Variants in ATAD2 observed in about 807,000 individuals in gnomAD.
ATAD2 encodes the protein ATPase family AAA domain containing 2, also known as ATPase family AAA domain-containing protein 2.
A neutral mutation model predicts 168.9 loss-of-function variants in ATAD2; 62 were observed. That is an observed-to-expected ratio of 0.37 (90% confidence interval 0.30 to 0.45). ATAD2 has a LOEUF of 0.45. ATAD2 is among the 20% of genes least tolerant of loss of function. ATAD2 has a pLI of 1.00. For missense variants in ATAD2, 1,419 were observed against 1,667.8 expected, an observed-to-expected ratio of 0.85 and a Z score of 2.60; for synonymous variants, 613 against 571.6, an observed-to-expected ratio of 1.07 and a Z score of -1.03.
chr8:123,366,700 T>G (rs1828989882), intron 8 of ATAD2, among the ~76,000 whole-genome samples: 1 of 152,062 alleles, frequency 6.6e-6, no homozygotes, highest in South Asian at 2.1e-4. Flanking sequence ...TGCAAAGGCA[T>G]AAGAATGACA....
At chr8:123,370,788 T>C (rs1829127860) in intron 6 of ATAD2, 115 bp downstream of exon 6, 1 of 705,624 alleles carries the variant, frequency 1.4e-6, no homozygotes. Flanking sequence ...ACCAATCCTC[T>C]GATCTCTCAC....
In ATAD2 at chr8:123,339,329, T is replaced by G; in HGVS notation, c.2836A>C (p.Ile946Leu). The G allele has an allele frequency of 6.3e-7, 1 of 1,576,936 alleles. No individual in the cohort carries two copies. Among genetic ancestry groups the G allele is most frequent in the Non-Finnish European group, 8.6e-7 (1 of 1,160,760 alleles). The part of the protein sequence containing the change: ...LILKQAAKPP[I>L]SKKKAVLQAL... ...AACTAACCTGCTTTCTTTTTTGATA[T>G]AGGAGGCTTAGCAGCTTGTTTTAGA... Residue 946 changes from isoleucine (I) to leucine (L), a missense_variant, in exon 20 of 28, where the codon ATA (isoleucine) becomes CTA (leucine). Transcript: ENST00000287394.
intron 17 of ATAD2, 119 bp downstream of exon 17, chr8:123,346,499 G>T: frequency 9.1e-7 from 1 of 1,101,766 alleles, no homozygotes; most frequent in East Asian, 2.8e-5. Flanking sequence ...AAAAATTTCT[G>T]GTAGTTTAAT....
rs1827440453 is a variant in ATAD2 at position 123,320,590 on chromosome 8, G to A, written c.*544C>T. On this transcript the variant is annotated 3_prime_UTR_variant, in exon 28 of 28. Transcript: ENST00000287394. ...CTGTGATACTCAAGTACAGAATTGT[G>A]GTGCAGCCAGAAGTGGTTCAAGAGC... is the stretch of plus-strand genomic sequence containing the variant. 1 of 152,340 alleles carries A rather than the reference G, an allele frequency of 6.6e-6. No individual in the cohort carries two copies. The highest frequency in any genetic ancestry group is 6.6e-5 in the Admixed American group (1 of 15,256). 9.4% of individuals were successfully genotyped at this position (152,340 alleles called of 1,614,324 possible).
At chr8:123,324,880 TTC>T (rs919591055) in intron 26 of ATAD2, among the ~76,000 whole-genome samples, 4 of 152,058 alleles carry the variant, frequency 2.6e-5, no homozygotes, top group Admixed American at 2.0e-4. Context: ...CTTAGCTATT[TTC>T]TCTCTGATTC....
At chr8:123,335,520 T>C (rs539320869) in intron 22 of ATAD2, among the ~76,000 whole-genome samples, 5 of 152,280 alleles carry the variant, frequency 3.3e-5, no homozygotes, top group African/African-American at 4.8e-5. Flanking sequence ...AAACAACTAT[T>C]TTTAAAATGT....
intron 27 of ATAD2, among the ~76,000 whole-genome samples, chr8:123,321,704 C>T (rs748032349): frequency 1.5e-4 from 23 of 151,962 alleles, no homozygotes; most frequent in Non-Finnish European, 3.2e-4. Flanking sequence ...GAGGCTGAGG[C>T]GGGAGGACCG....
chr8:123,324,531 T>G (rs1358954935), intron 26 of ATAD2, among the ~76,000 whole-genome samples: 1 of 152,164 alleles, frequency 6.6e-6, no homozygotes, highest in Non-Finnish European at 1.5e-5. Flanking sequence ...GTTGTTTAGG[T>G]GTGTCAGGGT....
chr8:123,392,688 A>G (rs1812634657), intron 1 of ATAD2, among the ~76,000 whole-genome samples: 1 of 152,128 alleles, frequency 6.6e-6, no homozygotes. Context: ...CAGCAGAGGT[A>G]TACCAAATGG....
In ATAD2 at chr8:123,380,632, C is replaced by T. The variant is rs148295369; in HGVS notation, c.217G>A (p.Ala73Thr). 78 of 1,613,912 alleles carry T rather than the reference C, an allele frequency of 4.8e-5. No homozygotes were observed. The highest frequency in any genetic ancestry group is 8.3e-5 in the Admixed American group (5 of 59,992). ...GCATCTTTTCTCAAAGATCTTAAAG[C>T]ACGTGTCCGGTGGTAGGTTTCAACT... ...KEVETYHRTR[A>T]LRSLRKDAQN... The change falls in exon 2 of 28, where the codon GCT becomes ACT. Residue 73 changes from alanine to threonine, a missense_variant. Ala to Thr is a moderately conservative substitution (Grantham distance 58). Around this residue, in one of 5 missense-constraint regions of ATAD2, gnomAD observed 419 missense variants for 423.5 expected, o/e 0.99. Coordinates refer to ENST00000287394, the MANE Select transcript of ATAD2 (RefSeq NM_014109.4).
chr8:123,396,260 T>C lies in ATAD2; in HGVS notation c.98A>G (p.His33Arg). Residue 33 changes from histidine (H) to arginine (R), a missense_variant, in exon 1 of 28, where the codon CAC (histidine) becomes CGC (arginine). By Grantham distance (29) the His-to-Arg change is conservative (BLOSUM62 0). This residue lies in a region of ATAD2 where 419 missense variants were observed against 423.5 expected (regional missense o/e 0.99). Transcript: ENST00000287394. ...CGAGCGGAGCCGCCTCCGGCCGATGTGCTCCAGACTGAGGAAGTCACTGGA... is the reference window on the plus strand; with the variant it reads ...CGAGCGGAGCCGCCTCCGGCCGATGCGCTCCAGACTGAGGAAGTCACTGGA... Reference protein sequence around the residue: ...DLSSDFLSLEHIGRRRLRSAG... With the variant: ...DLSSDFLSLERIGRRRLRSAG... 6.2e-7 allele frequency: 1 copy of C among 1,610,526 alleles called. No homozygotes were observed. The highest frequency in any genetic ancestry group is 1.1e-5 in the South Asian group (1 of 90,998).
chr8:123,385,162 T>C (rs1829611699), intron 1 of ATAD2, among the ~76,000 whole-genome samples: 2 of 152,218 alleles, frequency 1.3e-5, no homozygotes, highest in South Asian at 4.1e-4. Flanking sequence ...TTTCCACTGG[T>C]TCTATTTTTC....
intron 27 of ATAD2, among the ~76,000 whole-genome samples, chr8:123,322,204 T>C (rs1827488507): frequency 6.6e-6 from 1 of 152,152 alleles, no homozygotes; most frequent in African/African-American, 2.4e-5. Flanking sequence ...GCCAGGCTAG[T>C]CTTGAACTCC....
At chr8:123,340,770 G>A (rs1365044995) in intron 19 of ATAD2, among the ~76,000 whole-genome samples, 1 of 152,168 alleles carries the variant, frequency 6.6e-6, no homozygotes, top group Non-Finnish European at 1.5e-5. Context: ...AATTATAACA[G>A]AAGTTACCGA....
upstream of ATAD2, among the ~76,000 whole-genome samples, chr8:123,398,670 C>T (rs1433634440): frequency 6.6e-6 from 1 of 151,906 alleles, no homozygotes; most frequent in Non-Finnish European, 1.5e-5. Context: ...TGCCATCACA[C>T]CTGGCTAATT....
chr8:123,354,147 T>C (rs1012843208), intron 13 of ATAD2, among the ~76,000 whole-genome samples: 4 of 152,084 alleles, frequency 2.6e-5, no homozygotes, highest in Non-Finnish European at 5.9e-5. Flanking sequence ...AAAAACAATT[T>C]AGGGTAATTT....
intron 1 of ATAD2, among the ~76,000 whole-genome samples, chr8:123,414,538 C>A (rs1813211089): frequency 6.6e-6 from 1 of 152,034 alleles, no homozygotes; most frequent in African/African-American, 2.4e-5. Context: ...GCTGGAGGAT[C>A]ACTTGAGCCC....
chr8:123,415,859 C>T (rs1464126697), intron 1 of ATAD2, among the ~76,000 whole-genome samples: 2 of 152,158 alleles, frequency 1.3e-5, no homozygotes, highest in Non-Finnish European at 2.9e-5. Flanking sequence ...TCCCAAAGTG[C>T]TGGGATTACA....
In ATAD2 at chr8:123,325,911, C is replaced by T. The variant is rs766555168; in HGVS notation, c.3984G>A (p.Val1328=). 2.5e-6 allele frequency: 4 copies of T among 1,614,026 alleles called. No individual in the cohort carries two copies. In the South Asian group the frequency reaches 4.4e-5, roughly 18 times the overall value. The stretch of plus-strand genomic sequence containing the variant: ...TACATACTTTTAATCGCTCATGATC[C>T]ACAACAAGTGAGGGTGTAGGCTGAG... ...ILSQPTPSLV[V]DHERLKNLLK... The change falls in exon 26 of 28, where the codon GTG becomes GTA. Residue 1328 remains valine (V), a synonymous_variant. Transcript: ENST00000287394.
Sources: allele counts gnomAD v4.1 joint callset (sites outside exome capture counted in the v4.1 genomes callset), GRCh38; gene constraint gnomAD v4.1.1; regional missense constraint gnomAD v4.1.1; transcripts MANE v1.5; gene names NCBI Gene and HGNC (gene_info 2026-07-23, HGNC 2026-07-21).